LRRC4C: variants seen among roughly 807,000 people sequenced by gnomAD.
The protein encoded by LRRC4C is leucine rich repeat containing 4C.
Under a neutral mutation model 33.6 loss-of-function variants are expected in LRRC4C, and 5 were observed. The observed-to-expected ratio is 0.15, with a 90% CI of 0.08 to 0.31. The LOEUF is 0.31. LRRC4C is among the 10% of genes least tolerant of loss of function. The pLI is 1.00. For missense variants in LRRC4C, 560 were observed against 796.7 expected, an observed-to-expected ratio of 0.70 and a Z score of 3.58; for synonymous variants, 329 against 302.0, an observed-to-expected ratio of 1.09 and a Z score of -0.93.
intron 5 of LRRC4C, among the ~76,000 whole-genome samples, chr11:40,183,118 T>C (rs992498737): frequency 6.6e-6 from 1 of 152,138 alleles, no homozygotes; most frequent in Non-Finnish European, 1.5e-5. Context: ...TTTAAAAAAA[T>C]GTACCTTGCA....
chr11:40,671,086 C>T (rs757444929), intron 2 of LRRC4C, among the ~76,000 whole-genome samples: 13 of 152,102 alleles, frequency 8.5e-5, no homozygotes, highest in Admixed American at 3.3e-4. Flanking sequence ...TTTATGAGCA[C>T]AAATTTGGGG....
At chr11:40,198,267 C>T (rs1862426326) in intron 5 of LRRC4C, among the ~76,000 whole-genome samples, 1 of 152,170 alleles carries the variant, frequency 6.6e-6, no homozygotes, top group South Asian at 2.1e-4. Context: ...CAACTGTGTA[C>T]CCACTTATGT....
At chr11:40,344,723 T>C (rs1947042403) in intron 3 of LRRC4C, among the ~76,000 whole-genome samples, 1 of 152,146 alleles carries the variant, frequency 6.6e-6, no homozygotes, top group South Asian at 2.1e-4. Flanking sequence ...TACCACTGTT[T>C]GCAGACAATA....
At chr11:40,294,168 A>G (rs1477453326) in intron 4 of LRRC4C, 1 of 151,804 alleles carries the variant, frequency 6.6e-6, no homozygotes, top group African/African-American at 2.4e-5. Flanking sequence ...CAATTACCCA[A>G]TTACCTCCCA....
At chr11:40,724,840 C>T (rs1947208930) in intron 2 of LRRC4C, among the ~76,000 whole-genome samples, 2 of 152,158 alleles carry the variant, frequency 1.3e-5, no homozygotes, top group South Asian at 2.1e-4. Context: ...GGTTGATAGA[C>T]TGTTAGTTAG....
intron 2 of LRRC4C, among the ~76,000 whole-genome samples, chr11:40,928,081 A>G (rs1421210929): frequency 2.6e-5 from 4 of 152,046 alleles, no homozygotes; most frequent in Non-Finnish European, 5.9e-5. Flanking sequence ...AAAAAACCCT[A>G]TAACTCAAGT....
intron 2 of LRRC4C, among the ~76,000 whole-genome samples, chr11:40,852,013 G>C (rs994876369): frequency 6.6e-6 from 1 of 152,034 alleles, no homozygotes. Flanking sequence ...TTTAATAGTA[G>C]AGACAGGGTT....
chr11:41,040,050 A>T (rs1248317637), intron 1 of LRRC4C, among the ~76,000 whole-genome samples: 1 of 149,380 alleles, frequency 6.7e-6, no homozygotes, highest in Admixed American at 6.7e-5. Flanking sequence ...AGGCAGGAGG[A>T]TGGCGTGAAC....
At chr11:41,378,435 G>A (rs1953021767) in intron 1 of LRRC4C, among the ~76,000 whole-genome samples, 1 of 152,014 alleles carries the variant, frequency 6.6e-6, no homozygotes, top group African/African-American at 2.4e-5. Flanking sequence ...ATTTCTTAAG[G>A]GTTTCTCCTT....
At chr11:41,134,266 T>C (rs1943154622) in intron 1 of LRRC4C, among the ~76,000 whole-genome samples, 1 of 151,978 alleles carries the variant, frequency 6.6e-6, no homozygotes, top group South Asian at 2.1e-4. Flanking sequence ...CCAGATAATG[T>C]ATTTATTTCT....
intron 2 of LRRC4C, among the ~76,000 whole-genome samples, chr11:40,697,164 C>T (rs915128824): frequency 6.6e-6 from 1 of 152,108 alleles, no homozygotes; most frequent in Non-Finnish European, 1.5e-5. Context: ...TGCATATATA[C>T]ATTTTTGTTC....
At chr11:40,867,168 A>T (rs1001822760) in intron 2 of LRRC4C, among the ~76,000 whole-genome samples, 9 of 152,184 alleles carry the variant, frequency 5.9e-5, no homozygotes, top group African/African-American at 1.9e-4. Flanking sequence ...TGGGGAAAGC[A>T]TTGCCTCGTT....
chr11:41,347,561 T>C (rs903178464), intron 1 of LRRC4C, among the ~76,000 whole-genome samples: 28 of 152,228 alleles, frequency 1.8e-4, no homozygotes, highest in African/African-American at 6.5e-4. Flanking sequence ...TTTGTAGATA[T>C]CATTTCTTCA....
intron 2 of LRRC4C, among the ~76,000 whole-genome samples, chr11:40,878,610 G>A (rs1955026545): frequency 6.6e-6 from 1 of 152,132 alleles, no homozygotes; most frequent in Admixed American, 6.6e-5. Context: ...ATACAGATGA[G>A]GCTTTATTGT....
chr11:40,716,529 G>A (rs1946727750), intron 2 of LRRC4C, among the ~76,000 whole-genome samples: 1 of 152,012 alleles, frequency 6.6e-6, no homozygotes, highest in Non-Finnish European at 1.5e-5. Flanking sequence ...GCAAATATTT[G>A]CTATGTGCTG....
chr11:40,861,017 C>A (rs559965846), intron 2 of LRRC4C, among the ~76,000 whole-genome samples: 110 of 152,070 alleles, frequency 7.2e-4, no homozygotes, highest in African/African-American at 2.6e-3. Flanking sequence ...AAGAATGGAA[C>A]ATGTCTTATA....
At chr11:41,004,298 A>G (rs1468161782) in intron 1 of LRRC4C, among the ~76,000 whole-genome samples, 2 of 152,176 alleles carry the variant, frequency 1.3e-5, no homozygotes, top group Non-Finnish European at 2.9e-5. Flanking sequence ...GCTAGTTTTC[A>G]TTATGACCTG....
At chr11:41,040,968 C>T (rs1353354123) in intron 1 of LRRC4C, among the ~76,000 whole-genome samples, 6 of 152,160 alleles carry the variant, frequency 3.9e-5, no homozygotes, top group Non-Finnish European at 8.8e-5. Context: ...GATATACTCA[C>T]ACCATCACAC....
At chr11:40,825,707 G>A (rs544448403) in intron 2 of LRRC4C, among the ~76,000 whole-genome samples, 2 of 151,794 alleles carry the variant, frequency 1.3e-5, no homozygotes, top group South Asian at 2.1e-4. Context: ...AAACAGGGGA[G>A]TGTTTCTTTT....
Sources: allele counts gnomAD v4.1 joint callset (sites outside exome capture counted in the v4.1 genomes callset), GRCh38; gene constraint gnomAD v4.1.1; transcripts MANE v1.5; gene names NCBI Gene and HGNC (gene_info 2026-07-23, HGNC 2026-07-21).